The following NKAIN2 variants were observed in gnomAD, a reference collection of about 807,000 sequenced individuals.
NKAIN2 encodes sodium/potassium-transporting ATPase subunit beta-1-interacting protein 2.
In NKAIN2, 14 loss-of-function variants were observed where a neutral mutation model predicts 32.6. The ratio of observed to expected loss-of-function variants is 0.43; its 90% CI spans 0.28 to 0.67. NKAIN2 has a LOEUF of 0.67. Among genes scored for constraint, NKAIN2 ranks in the 30% least tolerant of loss-of-function variants. The pLI is 0.17. For missense variants in NKAIN2, 198 were observed against 258.3 expected (o/e 0.77, Z 1.60); for synonymous variants, 80 against 87.2 (o/e 0.92, Z 0.46).
At chr6:124,223,272 G>A (rs947164070) in intron 1 of NKAIN2, among the ~76,000 whole-genome samples, 7 of 150,108 alleles carry the variant, frequency 4.7e-5, no homozygotes, top group East Asian at 3.9e-4. Flanking sequence ...AACTGAAGAC[G>A]GAGACAGAGG....
rs564621297 is a variant in NKAIN2, at chr6:124,413,330, T to A, written c.273+57983T>A. On this transcript the variant is annotated intron_variant, in intron 3 of 6. Transcript: ENST00000368417. ...CAGATTTTCAATTGTTGTGGCACCG[T>A]TTATTGAAAAGCCTGTTCTTTCTTC... Among the ~76,000 whole-genome samples the A allele has an allele frequency of 3.3e-5, 5 of 152,346 alleles. No individual in the cohort carries two copies. In the East Asian group the frequency reaches 9.6e-4, roughly 29 times the overall value.
intron 4 of NKAIN2, among the ~76,000 whole-genome samples, chr6:124,726,033 C>A (rs532280499): frequency 2.0e-4 from 30 of 152,332 alleles, no homozygotes; most frequent in Non-Finnish European, 4.1e-4. Context: ...CAGATTATAT[C>A]CTGCACCTGG....
chr6:123,908,198 G>C (rs1774987888), intron 1 of NKAIN2, among the ~76,000 whole-genome samples: 1 of 152,086 alleles, frequency 6.6e-6, no homozygotes. Flanking sequence ...TCTTGCAAGA[G>C]ATCTCTTGAT....
intron 1 of NKAIN2, among the ~76,000 whole-genome samples, chr6:124,204,643 A>C (rs1354343362): frequency 1.3e-5 from 2 of 151,814 alleles, no homozygotes; most frequent in African/African-American, 2.4e-5. Context: ...GCAACTATTC[A>C]TCAAGAAGTA....
intron 3 of NKAIN2, among the ~76,000 whole-genome samples, chr6:124,371,248 G>T (rs963208835): frequency 2.0e-5 from 3 of 151,852 alleles, no homozygotes; most frequent in Non-Finnish European, 4.4e-5. Context: ...AGCAATAATG[G>T]GTCTGAAATG....
intron 1 of NKAIN2, among the ~76,000 whole-genome samples, chr6:123,832,760 T>C (rs1423874855): frequency 6.6e-6 from 1 of 152,226 alleles, no homozygotes; most frequent in African/African-American, 2.4e-5. Flanking sequence ...TTATTTGACA[T>C]CTGTATATTT....
At position 124,135,560 on chromosome 6, in the gene NKAIN2, GTAT is replaced by G. The variant is rs555199287; in HGVS notation, c.55-147440_55-147438del. 2.3e-4 allele frequency among the ~76,000 whole-genome samples: 32 copies of G among 137,360 alleles called. No homozygotes were observed. The South Asian group carries it at 7.3e-3, about 32-fold the overall frequency. The allele number at this position is 137,360 out of a possible 152,430, so 90.1% of individuals were successfully genotyped here. A position where few individuals can be genotyped will look rare whatever the true frequency, so the allele number is the denominator to read the frequency against. On this transcript the variant is annotated intron_variant, in intron 1 of 6. Coordinates refer to ENST00000368417, the MANE Select transcript of NKAIN2 (RefSeq NM_001040214.3). ...AAGAAGACATTATATAATGATAAAAGTATTATTCCAACAAGAAAATACCACAAT... is the reference window on the plus strand; with the variant it reads ...AAGAAGACATTATATAATGATAAAAGTATTCCAACAAGAAAATACCACAAT...
At chr6:123,868,312 G>T (rs1382342833) in intron 1 of NKAIN2, among the ~76,000 whole-genome samples, 2 of 152,176 alleles carry the variant, frequency 1.3e-5, no homozygotes, top group Admixed American at 6.5e-5. Flanking sequence ...ATTCTCAAAA[G>T]AATTTGAAGT....
chr6:124,023,509 C>T (rs1470210633), intron 1 of NKAIN2, among the ~76,000 whole-genome samples: 1 of 152,060 alleles, frequency 6.6e-6, no homozygotes, highest in African/African-American at 2.4e-5. Context: ...TTTTTGAAAG[C>T]CTACCTTTGT....
chr6:124,331,657 T>G (rs1377936646), intron 2 of NKAIN2, among the ~76,000 whole-genome samples: 1 of 152,190 alleles, frequency 6.6e-6, no homozygotes, highest in African/African-American at 2.4e-5. Flanking sequence ...TTTGCTTACC[T>G]TGTAACACCT....
intron 1 of NKAIN2, among the ~76,000 whole-genome samples, chr6:124,208,958 TG>T (rs1396767469): frequency 6.6e-6 from 1 of 151,706 alleles, no homozygotes; most frequent in Non-Finnish European, 1.5e-5. Flanking sequence ...ATCATTTATT[TG>T]TATTACAAAC....
At chr6:124,627,187 T>G (rs1783386441) in intron 3 of NKAIN2, among the ~76,000 whole-genome samples, 1 of 152,014 alleles carries the variant, frequency 6.6e-6, no homozygotes, top group Admixed American at 6.6e-5. Context: ...CGAGAATCAC[T>G]TGAACATGGG....
intron 1 of NKAIN2, among the ~76,000 whole-genome samples, chr6:123,870,022 G>A (rs1377449913): frequency 6.6e-6 from 1 of 152,140 alleles, no homozygotes; most frequent in Admixed American, 6.6e-5. Context: ...CTAGAGTTGG[G>A]AATGTAACAT....
intron 4 of NKAIN2, among the ~76,000 whole-genome samples, chr6:124,789,247 A>T (rs181750718): frequency 2.2e-4 from 34 of 152,220 alleles, no homozygotes; most frequent in East Asian, 1.9e-3. Context: ...TTTTCATTTC[A>T]AAGAAATGAA....
At chr6:124,727,043 A>C (rs1364870859) in intron 4 of NKAIN2, among the ~76,000 whole-genome samples, 15 of 151,916 alleles carry the variant, frequency 9.9e-5, no homozygotes, top group Admixed American at 1.3e-4. Flanking sequence ...GCCTCCAAGA[A>C]ATATGGGACT....
At chr6:123,935,511 G>A in intron 1 of NKAIN2, among the ~76,000 whole-genome samples, 1 of 151,746 alleles carries the variant, frequency 6.6e-6, no homozygotes, top group East Asian at 1.9e-4. Context: ...AGCTTCAAAT[G>A]TTATTTTATA....
chr6:123,889,622 G>A (rs967045498), intron 1 of NKAIN2, among the ~76,000 whole-genome samples: 7 of 152,086 alleles, frequency 4.6e-5, no homozygotes, highest in Admixed American at 6.5e-5. Flanking sequence ...TCATATAAAA[G>A]AGACTCAGAG....
At chr6:124,069,649 G>A (rs1464669221) in intron 1 of NKAIN2, among the ~76,000 whole-genome samples, 1 of 152,166 alleles carries the variant, frequency 6.6e-6, no homozygotes, top group Non-Finnish European at 1.5e-5. Context: ...TGCTTCCCCA[G>A]TCCCAGCTTT....
chr6:124,084,293 G>C (rs1019965118), intron 1 of NKAIN2, among the ~76,000 whole-genome samples: 1 of 151,900 alleles, frequency 6.6e-6, no homozygotes, highest in Non-Finnish European at 1.5e-5. Context: ...ATATAATGGT[G>C]GTCCCCTAAG....
Sources: gnomAD v4.1 joint callset for allele counts (sites outside exome capture counted in the v4.1 genomes callset) on GRCh38, gnomAD v4.1.1 for gene constraint, MANE v1.5 for transcripts, NCBI Gene and HGNC (gene_info 2026-07-23, HGNC 2026-07-21) for gene names.